Variants in OPCML observed in about 807,000 individuals in gnomAD.
OPCML encodes the protein opioid binding protein/cell adhesion molecule like, also known as opioid-binding protein/cell adhesion molecule.
A neutral mutation model predicts 37.8 loss-of-function variants in OPCML; 13 were observed. That is an observed-to-expected ratio of 0.34 (90% CI 0.22 to 0.55). The LOEUF (loss-of-function observed/expected upper bound fraction) is 0.55. Among genes scored for constraint, OPCML ranks in the 20% least tolerant of loss-of-function variants. OPCML has a pLI of 0.91. For missense variants in OPCML, 341 were observed against 435.6 expected (o/e 0.78, Z 1.93); for synonymous variants, 176 against 168.8 (o/e 1.04, Z -0.33).
chr11:133,164,048 A>T (rs563370986), intron 1 of OPCML, among the ~76,000 whole-genome samples: 1 of 152,206 alleles, frequency 6.6e-6, no homozygotes. Context: ...CATTCTGCCT[A>T]TTTCACAAAG....
intron 2 of OPCML, among the ~76,000 whole-genome samples, chr11:132,850,426 G>A (rs537634253): frequency 2.6e-5 from 4 of 152,192 alleles, no homozygotes; most frequent in East Asian, 1.9e-4. Context: ...ACGTTAAAAC[G>A]CACAGTTGGG....
intron 2 of OPCML, among the ~76,000 whole-genome samples, chr11:132,700,009 C>G (rs1351045858): frequency 2.8e-5 from 3 of 106,630 alleles, no homozygotes; most frequent in African/African-American, 1.1e-4. Context: ...ATTTCTGATT[C>G]AATCCTTGTA....
intron 3 of OPCML, among the ~76,000 whole-genome samples, chr11:132,562,537 G>C (rs1016666576): frequency 6.6e-6 from 1 of 152,090 alleles, no homozygotes; most frequent in African/African-American, 2.4e-5. Flanking sequence ...AACTGCAACT[G>C]ATGGCAAAGC....
chr11:133,093,953 G>A (rs1357976660), intron 1 of OPCML, among the ~76,000 whole-genome samples: 1 of 152,142 alleles, frequency 6.6e-6, no homozygotes, highest in Non-Finnish European at 1.5e-5. Flanking sequence ...ACGAATGTAA[G>A]TGGAAGGATA....
At chr11:132,752,812 A>C (rs930607737) in intron 2 of OPCML, among the ~76,000 whole-genome samples, 2 of 152,126 alleles carry the variant, frequency 1.3e-5, no homozygotes, top group African/African-American at 2.4e-5. Context: ...TATATAAAAG[A>C]CAGGCCTCCT....
At chr11:132,953,601 T>A (rs936707271) in intron 1 of OPCML, among the ~76,000 whole-genome samples, 1 of 152,214 alleles carries the variant, frequency 6.6e-6, no homozygotes, top group African/African-American at 2.4e-5. Context: ...GTTTTTTAAA[T>A]GTTCAGTACC....
intron 1 of OPCML, among the ~76,000 whole-genome samples, chr11:133,452,404 T>C (rs1412741664): frequency 6.6e-6 from 1 of 151,516 alleles, no homozygotes; most frequent in Non-Finnish European, 1.5e-5. Flanking sequence ...TTTTTCTTAA[T>C]TAAAAATATC....
intron 3 of OPCML, among the ~76,000 whole-genome samples, chr11:132,576,953 C>T (rs2096452434): frequency 6.6e-6 from 1 of 152,162 alleles, no homozygotes; most frequent in African/African-American, 2.4e-5. Context: ...ACTGGAAGGA[C>T]TGAGATCACA....
At chr11:133,437,375 C>T (rs1297051551) in intron 1 of OPCML, among the ~76,000 whole-genome samples, 2 of 152,152 alleles carry the variant, frequency 1.3e-5, no homozygotes, top group Non-Finnish European at 2.9e-5. Flanking sequence ...CTTTTTGGCT[C>T]TTCCTGGGGA....
At chr11:133,005,727 T>G (rs1947098044) in intron 1 of OPCML, 1 of 978,470 alleles carries the variant, frequency 1.0e-6, no homozygotes, top group Admixed American at 6.1e-5. Context: ...TTCTGTTAAT[T>G]CTTTTTAAAA....
At chr11:133,195,852 C>T (rs1938515641) in intron 1 of OPCML, among the ~76,000 whole-genome samples, 1 of 152,182 alleles carries the variant, frequency 6.6e-6, no homozygotes. Flanking sequence ...ATATCTGTCA[C>T]ATGAATGATA....
At chr11:133,109,855 AC>A (rs1949223768) in intron 1 of OPCML, among the ~76,000 whole-genome samples, 1 of 152,182 alleles carries the variant, frequency 6.6e-6, no homozygotes, top group South Asian at 2.1e-4. Flanking sequence ...ATCTCATCCA[AC>A]CGTCTATTTT....
intron 1 of OPCML, among the ~76,000 whole-genome samples, chr11:133,465,226 A>G (rs1946948681): frequency 6.6e-6 from 1 of 152,140 alleles, no homozygotes; most frequent in South Asian, 2.1e-4. Flanking sequence ...CCTTCTTCAC[A>G]TCACTGCAAA....
chr11:132,888,858 CA>C (rs5795809), intron 2 of OPCML, among the ~76,000 whole-genome samples: 66,746 of 139,586 alleles, frequency 0.48, 15,016 homozygotes, highest in Middle Eastern at 0.57. Flanking sequence ...AATTTTACAA[CA>C]AAAAAAAAAA....
intron 1 of OPCML, among the ~76,000 whole-genome samples, chr11:133,113,768 A>C (rs1949291866): frequency 6.6e-6 from 1 of 152,212 alleles, no homozygotes; most frequent in African/African-American, 2.4e-5. Flanking sequence ...GAAAGTATTT[A>C]TGACTCTTTC....
intron 1 of OPCML, among the ~76,000 whole-genome samples, chr11:133,017,315 T>G (rs902110855): frequency 1.3e-5 from 2 of 152,126 alleles, no homozygotes; most frequent in African/African-American, 4.8e-5. Context: ...GGGAATACAG[T>G]CTGTCCAGGT....
At chr11:132,967,997 T>C (rs1946252394) in intron 1 of OPCML, among the ~76,000 whole-genome samples, 1 of 152,246 alleles carries the variant, frequency 6.6e-6, no homozygotes, top group South Asian at 2.1e-4. Context: ...CCTATACTGA[T>C]ACATTATTGT....
chr11:133,170,441 G>A lies in OPCML; in HGVS notation c.62-227431C>T, dbSNP rs995936211. On this transcript the variant is annotated intron_variant, in intron 1 of 7. Coordinates refer to ENST00000524381, the MANE Select transcript of OPCML (RefSeq NM_001012393.5). ...GCAGAGCTTGCAGTCAGCCTAGATCGTGCCACTGCACTCCAGCCTGGGCGA... is the reference window on the plus strand; with the variant it reads ...GCAGAGCTTGCAGTCAGCCTAGATCATGCCACTGCACTCCAGCCTGGGCGA... Among the ~76,000 whole-genome samples the A allele has an allele frequency of 5.9e-5, 9 of 152,182 alleles. No individual in the cohort carries two copies. In the East Asian group the frequency reaches 1.2e-3, roughly 20 times the overall value.
intron 2 of OPCML, among the ~76,000 whole-genome samples, chr11:132,738,560 C>T (rs780831720): frequency 6.6e-6 from 1 of 152,166 alleles, no homozygotes; most frequent in Non-Finnish European, 1.5e-5. Context: ...CTTGGAGGAA[C>T]ATATAGCTTG....
Sources: allele counts gnomAD v4.1 joint callset (sites outside exome capture counted in the v4.1 genomes callset), GRCh38; gene constraint gnomAD v4.1.1; transcripts MANE v1.5; gene names NCBI Gene and HGNC (gene_info 2026-07-23, HGNC 2026-07-21).